CACYBP: variants seen among roughly 807,000 people sequenced by gnomAD.
CACYBP encodes the protein calcyclin binding protein, also known as calcyclin-binding protein.
In CACYBP, 11 loss-of-function variants were observed where a neutral mutation model predicts 29.6. The ratio of observed to expected loss-of-function variants is 0.37; its 90% confidence interval spans 0.23 to 0.61. The LOEUF (loss-of-function observed/expected upper bound fraction) is 0.61, where lower values mean the gene tolerates loss of function less well. Ranked by LOEUF, CACYBP falls within the 20% of genes least tolerant of loss-of-function variation. CACYBP has a pLI of 0.65. For missense variants in CACYBP, 163 were observed against 260.7 expected (o/e 0.63, Z 2.58); for synonymous variants, 73 against 88.3 (o/e 0.83, Z 0.97).
chr1:175,004,140 G>T (rs1330995824), intron 1 of CACYBP, among the ~76,000 whole-genome samples: 3 of 152,110 alleles, frequency 2.0e-5, no homozygotes, highest in African/African-American at 7.2e-5. Context: ...GTGACAGAAA[G>T]TGGAGCATTC....
At chr1:175,005,932 G>A (rs1477099200) in intron 2 of CACYBP, among the ~76,000 whole-genome samples, 2 of 152,098 alleles carry the variant, frequency 1.3e-5, no homozygotes, top group Non-Finnish European at 2.9e-5. Context: ...ATATATTTAT[G>A]GGGTACATGA....
intron 5 of CACYBP, among the ~76,000 whole-genome samples, chr1:175,009,288 T>G (rs1005791190): frequency 6.6e-6 from 1 of 152,080 alleles, no homozygotes; most frequent in African/African-American, 2.4e-5. Context: ...TTTCAAATTA[T>G]GAGGAAACAT....
At position 175,011,159 on chromosome 1, in the gene CACYBP, GTAAAC is replaced by G. The variant is rs1231244254; in HGVS notation, c.*1090_*1094del. The stretch of plus-strand genomic sequence containing the variant: ...AGACACACAGGAAAAATCCAGAAGG[GTAAAC>G]TAAACTAAAGCTACAATTAATATGG... On this transcript the variant is annotated 3_prime_UTR_variant, in exon 6 of 6. Coordinates refer to ENST00000367679, the MANE Select transcript of CACYBP (RefSeq NM_014412.3). 1 of 145,214 alleles carries G rather than the reference GTAAAC, an allele frequency of 6.9e-6. No individual in the cohort carries two copies. Among genetic ancestry groups the G allele is most frequent in the South Asian group, 2.2e-4 (1 of 4,618 alleles). 9.0% of individuals were successfully genotyped at this position (145,214 alleles called of 1,614,324 possible).
intron 1 of CACYBP, among the ~76,000 whole-genome samples, chr1:175,000,809 G>C (rs1423390894): frequency 6.6e-6 from 1 of 152,222 alleles, no homozygotes; most frequent in Non-Finnish European, 1.5e-5. Flanking sequence ...AAATAACTTG[G>C]AAAGTTAGTT....
chr1:175,004,903 C>G, intron 2 of CACYBP, 70 bp downstream of exon 2: 1 of 987,264 alleles, frequency 1.0e-6, no homozygotes, highest in East Asian at 2.4e-5. Flanking sequence ...CTAACAAATT[C>G]ATCCCCAATG....
At chr1:175,004,441 A>G (rs1672564948) in intron 1 of CACYBP, among the ~76,000 whole-genome samples, 173 bp from the exon 2 acceptor site, 1 of 152,226 alleles carries the variant, frequency 6.6e-6, no homozygotes, top group South Asian at 2.1e-4. Flanking sequence ...AGCTTGAGTT[A>G]ATTACAGTTA....
Position 175,011,028 on chromosome 1 carries a change from C to CAGG in CACYBP, c.*952_*954dup, listed in dbSNP as rs2149412780. Reference sequence around the variant, plus strand: ...CTAAGGCTGGAGGATCACTTCAGCCCAGGAGTTTAAGGCTGCAGTGAGCTA... The same window carrying CAGG: ...CTAAGGCTGGAGGATCACTTCAGCCCAGGAGGAGTTTAAGGCTGCAGTGAGCTA... On this transcript the variant is annotated 3_prime_UTR_variant, in exon 6 of 6. Coordinates refer to ENST00000367679, the MANE Select transcript of CACYBP (RefSeq NM_014412.3). 6.7e-6 allele frequency: 1 copy of CAGG among 149,738 alleles called. No individual in the cohort carries two copies. Among genetic ancestry groups the CAGG allele is most frequent in the African/African-American group, 2.5e-5 (1 of 40,588 alleles). The allele number at this position is 149,738 out of a possible 1,614,324, so 9.3% of individuals were successfully genotyped here.
rs75820838 is a variant in CACYBP at position 175,003,722 on chromosome 1, T to C, written c.16-892T>C. ...TATTGTAAGAAAAGTGAAACAGCTGTTTGGAAAGATCTTGTGTATTTGCAG... is the reference window on the plus strand; with the variant it reads ...TATTGTAAGAAAAGTGAAACAGCTGCTTGGAAAGATCTTGTGTATTTGCAG... On this transcript the variant is annotated intron_variant, in intron 1 of 5. Transcript: ENST00000367679. Among the ~76,000 whole-genome samples the C allele has an allele frequency of 1.0e-3, 158 of 152,304 alleles. No homozygotes were observed. The East Asian group carries it at 0.011, about 10-fold the overall frequency.
At chr1:175,000,255 C>G (rs1672436273) in intron 1 of CACYBP, 60 bp downstream of exon 1, 11 of 1,553,576 alleles carry the variant, frequency 7.1e-6, no homozygotes, top group Non-Finnish European at 8.7e-6. Context: ...CGCCAGCCTC[C>G]CGCCCTACCG....
chr1:175,006,328 A>C (rs1672619055), intron 2 of CACYBP, among the ~76,000 whole-genome samples: 1 of 152,224 alleles, frequency 6.6e-6, no homozygotes, highest in Non-Finnish European at 1.5e-5. Flanking sequence ...CAGAAGTAGA[A>C]ATGGTTATGG....
chr1:175,007,454 G>A (rs1453060733), intron 4 of CACYBP, among the ~76,000 whole-genome samples: 2 of 152,152 alleles, frequency 1.3e-5, no homozygotes, highest in Non-Finnish European at 2.9e-5. Flanking sequence ...TTTACTATGC[G>A]GCCCTCGACA....
upstream of CACYBP, chr1:174,999,691 T>C (rs892574114): frequency 1.2e-5 from 3 of 242,096 alleles, no homozygotes; most frequent in Middle Eastern, 1.5e-3. Context: ...CGAAGATCGG[T>C]ACGTTATTTC....
intron 1 of CACYBP, among the ~76,000 whole-genome samples, chr1:175,001,783 C>G (rs1417485489): frequency 1.3e-5 from 2 of 152,194 alleles, no homozygotes; most frequent in Non-Finnish European, 2.9e-5. Context: ...GCTCTGTCGC[C>G]CAGGCTGGAG....
chr1:175,009,183 C>G (rs1672686817), intron 5 of CACYBP, among the ~76,000 whole-genome samples: 1 of 152,152 alleles, frequency 6.6e-6, no homozygotes, highest in Non-Finnish European at 1.5e-5. Context: ...ATCTGTGTAT[C>G]TCAGGCTTAA....
In CACYBP at chr1:175,011,946, T is replaced by TA. The variant is rs1196288395; in HGVS notation, c.*1875dup. On this transcript the variant is annotated 3_prime_UTR_variant, in exon 6 of 6. Transcript: ENST00000367679. ...GGTGAAACCCTGTCTCTACTGAAAA[T>TA]AAAAAAAACTAGCTGGGCATGGTGG... Among the ~76,000 whole-genome samples, 13 of 151,658 alleles carry TA rather than the reference T, an allele frequency of 8.6e-5. No homozygotes were observed. The highest frequency in any genetic ancestry group is 2.1e-4 in the South Asian group (1 of 4,810).
intron 5 of CACYBP, chr1:175,008,973 A>T: frequency 3.0e-6 from 1 of 331,990 alleles, no homozygotes; most frequent in Non-Finnish European, 5.5e-6. Flanking sequence ...AGAGGGGCTT[A>T]GGTACCCCTG....
chr1:175,007,754 G>C (rs978267399), intron 4 of CACYBP, among the ~76,000 whole-genome samples: 2 of 152,172 alleles, frequency 1.3e-5, no homozygotes, highest in Non-Finnish European at 2.9e-5. Flanking sequence ...CATAATACTC[G>C]TATACATAAA....
In CACYBP at chr1:175,010,941, CAGTT is replaced by C. The variant is rs912813573; in HGVS notation, c.*865_*868del. Reference sequence around the variant, plus strand: ...ATTTTCCTGGAGGTATTAGCCAACACAGTTAGATCAGAGAAAGCAATTGAAGCCA... The same window carrying C: ...ATTTTCCTGGAGGTATTAGCCAACACAGATCAGAGAAAGCAATTGAAGCCA... On this transcript the variant is annotated 3_prime_UTR_variant, in exon 6 of 6. Coordinates refer to ENST00000367679, the MANE Select transcript of CACYBP (RefSeq NM_014412.3). 2 of 151,898 alleles carry C rather than the reference CAGTT, an allele frequency of 1.3e-5. No homozygotes were observed. Among genetic ancestry groups the C allele is most frequent in the Middle Eastern group, 3.2e-3 (1 of 316 alleles). The allele number at this position is 151,898 out of a possible 1,614,324, so 9.4% of individuals were successfully genotyped here.
chr1:175,010,299 A>G lies in CACYBP; in HGVS notation c.*220A>G, dbSNP rs1474854629. The G allele has an allele frequency of 2.7e-6, 1 of 366,720 alleles. No homozygotes were observed. The highest frequency in any genetic ancestry group is 4.9e-6 in the Non-Finnish European group (1 of 204,968). The allele number at this position is 366,720 out of a possible 1,614,324, so 22.7% of individuals were successfully genotyped here. A position where few individuals can be genotyped will look rare whatever the true frequency, so the allele number is the denominator to read the frequency against. ...AGATGGTTTTATTAGTACCCTGGTCATTTTGTTCAAGGAAGGGTTATATTG... is the reference window on the plus strand; with the variant it reads ...AGATGGTTTTATTAGTACCCTGGTCGTTTTGTTCAAGGAAGGGTTATATTG... On this transcript the variant is annotated 3_prime_UTR_variant, in exon 6 of 6. Transcript: ENST00000367679.
Sources: gnomAD v4.1 joint callset for allele counts (sites outside exome capture counted in the v4.1 genomes callset) on GRCh38, gnomAD v4.1.1 for gene constraint, MANE v1.5 for transcripts, NCBI Gene and HGNC (gene_info 2026-07-23, HGNC 2026-07-21) for gene names.